The following CSMD1 variants were observed in gnomAD, a reference collection of about 807,000 sequenced individuals.
CSMD1 encodes CUB and Sushi multiple domains 1, also known as CUB and sushi domain-containing protein 1.
A neutral mutation model predicts 417.5 loss-of-function variants in CSMD1; 213 were observed. The ratio of observed to expected loss-of-function variants is 0.51; its 90% CI spans 0.46 to 0.57. The LOEUF (loss-of-function observed/expected upper bound fraction) is 0.57, where lower values mean the gene tolerates loss of function less well. Among genes scored for constraint, CSMD1 ranks in the 20% least tolerant of loss-of-function variants. CSMD1 has a pLI of 0.00. For synonymous variants in CSMD1, 2,862 were observed against 1,736.8 expected (o/e 1.65, Z -16.11); for missense variants, 6,923 against 4,529.7 (o/e 1.53, Z -15.17).
At chr8:3,682,164 T>C (rs1161180963) in intron 7 of CSMD1, among the ~76,000 whole-genome samples, 1 of 152,086 alleles carries the variant, frequency 6.6e-6, no homozygotes, top group Non-Finnish European at 1.5e-5. Flanking sequence ...CCAAAAGCAA[T>C]GGCAACAAAA....
intron 12 of CSMD1, among the ~76,000 whole-genome samples, chr8:3,429,472 T>G (rs992933471): frequency 2.0e-5 from 3 of 152,166 alleles, no homozygotes; most frequent in Non-Finnish European, 4.4e-5. Flanking sequence ...ACACAGATGT[T>G]CACTGACCTT....
chr8:3,385,499 C>A (rs968827663), intron 18 of CSMD1, among the ~76,000 whole-genome samples: 1 of 151,920 alleles, frequency 6.6e-6, no homozygotes, highest in Non-Finnish European at 1.5e-5. Context: ...TAATTCATAT[C>A]ATTTTCATAT....
chr8:3,631,363 A>G (rs1397027895), intron 7 of CSMD1, among the ~76,000 whole-genome samples: 1 of 152,202 alleles, frequency 6.6e-6, no homozygotes, highest in East Asian at 1.9e-4. Flanking sequence ...CACAGTAAGA[A>G]AGCAACACGT....
At chr8:3,667,848 T>C (rs1336255726) in intron 7 of CSMD1, among the ~76,000 whole-genome samples, 1 of 152,160 alleles carries the variant, frequency 6.6e-6, no homozygotes, top group East Asian at 1.9e-4. Context: ...AGTGTCTGTA[T>C]GTTTAATCGT....
chr8:3,171,735 T>C (rs1055354660), intron 37 of CSMD1, among the ~76,000 whole-genome samples: 2 of 152,210 alleles, frequency 1.3e-5, no homozygotes, highest in Non-Finnish European at 2.9e-5. Context: ...AATTTTCAAG[T>C]GAGCACAACT....
intron 49 of CSMD1, among the ~76,000 whole-genome samples, chr8:3,061,913 C>A (rs189944123): frequency 2.0e-5 from 3 of 152,044 alleles, no homozygotes; most frequent in African/African-American, 7.2e-5. Flanking sequence ...GACTAGTAAA[C>A]GGCTCTGTGA....
chr8:4,815,889 T>A (rs1799178340), intron 1 of CSMD1, among the ~76,000 whole-genome samples: 1 of 152,078 alleles, frequency 6.6e-6, no homozygotes, highest in African/African-American at 2.4e-5. Context: ...TGTGAATTGG[T>A]TATGATCTCA....
intron 1 of CSMD1, among the ~76,000 whole-genome samples, chr8:4,838,430 G>C (rs1170094990): frequency 6.6e-6 from 1 of 152,202 alleles, no homozygotes; most frequent in Non-Finnish European, 1.5e-5. Context: ...ATTAAGCATA[G>C]CTCAAACCAG....
At chr8:4,209,432 C>G (rs539632510) in intron 3 of CSMD1, among the ~76,000 whole-genome samples, 2 of 152,158 alleles carry the variant, frequency 1.3e-5, no homozygotes, top group Non-Finnish European at 2.9e-5. Flanking sequence ...GGTGTGAACT[C>G]CTCATCAAGC....
chr8:4,322,072 T>C (rs931590085), intron 3 of CSMD1, among the ~76,000 whole-genome samples: 12 of 152,196 alleles, frequency 7.9e-5, no homozygotes, highest in Admixed American at 1.3e-4. Flanking sequence ...CTTTTCATCA[T>C]AGACTGAAAT....
intron 3 of CSMD1, among the ~76,000 whole-genome samples, chr8:4,206,741 T>C (rs1800004314): frequency 6.6e-6 from 1 of 152,176 alleles, no homozygotes; most frequent in South Asian, 2.1e-4. Flanking sequence ...CTAGAGGATT[T>C]CAGAATATTT....
chr8:3,906,133 C>T (rs1808092118), intron 5 of CSMD1, among the ~76,000 whole-genome samples: 3 of 152,110 alleles, frequency 2.0e-5, no homozygotes, highest in Non-Finnish European at 2.9e-5. Flanking sequence ...TCCTTCCACC[C>T]CACAGTGTAC....
In CSMD1 at chr8:3,221,756, C is replaced by T. The variant is rs114282345; in HGVS notation, c.4484+1973G>A. Among the ~76,000 whole-genome samples the T allele has an allele frequency of 5.4e-3, 816 of 152,186 alleles. 5 individuals are homozygous for T. The highest frequency in any genetic ancestry group is 0.018 in the African/African-American group (761 of 41,522). ...AATTGAACCAAATTCAATTTGAGCC[C>T]CAATGTGTGAGCCCCACAATCCACA... On this transcript the variant is annotated intron_variant, in intron 28 of 69. Coordinates refer to ENST00000635120, the MANE Select transcript of CSMD1 (RefSeq NM_033225.6).
chr8:3,509,385 T>C (rs1349103828), intron 10 of CSMD1, among the ~76,000 whole-genome samples: 1 of 152,218 alleles, frequency 6.6e-6, no homozygotes, highest in Non-Finnish European at 1.5e-5. Flanking sequence ...AAATAATCCA[T>C]TGCTATTAAA....
At chr8:3,670,030 GA>G (rs1284487660) in intron 7 of CSMD1, among the ~76,000 whole-genome samples, 1 of 152,192 alleles carries the variant, frequency 6.6e-6, no homozygotes, top group Non-Finnish European at 1.5e-5. Flanking sequence ...AAAAGGCAGT[GA>G]AATGTTCCTA....
At chr8:4,148,226 A>G (rs1796376639) in intron 3 of CSMD1, among the ~76,000 whole-genome samples, 1 of 151,968 alleles carries the variant, frequency 6.6e-6, no homozygotes, top group East Asian at 1.9e-4. Flanking sequence ...TAGACTGGGC[A>G]ACTTTAAAAC....
At chr8:3,444,860 C>A (rs1329363529) in intron 12 of CSMD1, among the ~76,000 whole-genome samples, 1 of 152,134 alleles carries the variant, frequency 6.6e-6, no homozygotes, top group Admixed American at 6.6e-5. Flanking sequence ...GCAACAGAAT[C>A]AGAATACTAT....
chr8:4,923,614 A>G lies in CSMD1; in HGVS notation c.85+70718T>C, dbSNP rs552290023. On this transcript the variant is annotated intron_variant, in intron 1 of 69. Transcript: ENST00000635120. ...ATAACCTCATTGAGTTTAAACATAC[A>G]CACTACACTTGTATTCTACATTGCT... Among the ~76,000 whole-genome samples the G allele has an allele frequency of 2.0e-5, 3 of 152,282 alleles. No individual in the cohort carries two copies. In the South Asian group the frequency reaches 6.2e-4, roughly 32 times the overall value.
rs76499705 is a variant in CSMD1, at chr8:3,271,493, C to T, written c.4153+12651G>A. On this transcript the variant is annotated intron_variant, in intron 26 of 69. Coordinates refer to ENST00000635120, the MANE Select transcript of CSMD1 (RefSeq NM_033225.6). Reference sequence around the variant, plus strand: ...GGTATTTCTAGTTCTAGATCCCTGACGAATGTCCACACTGACTTCCACAAT... The same window carrying T: ...GGTATTTCTAGTTCTAGATCCCTGATGAATGTCCACACTGACTTCCACAAT... 8.0e-5 allele frequency among the ~76,000 whole-genome samples: 11 copies of T among 137,598 alleles called. 1 individual carries two copies. The East Asian group carries it at 1.5e-3, about 19-fold the overall frequency. The allele number at this position is 137,598 out of a possible 152,430, so 90.3% of individuals were successfully genotyped here. A position where few individuals can be genotyped will look rare whatever the true frequency, so the allele number is the denominator to read the frequency against.
Sources: allele counts gnomAD v4.1 joint callset (sites outside exome capture counted in the v4.1 genomes callset), GRCh38; gene constraint gnomAD v4.1.1; transcripts MANE v1.5; gene names NCBI Gene and HGNC (gene_info 2026-07-23, HGNC 2026-07-21).